The following PDZD2 variants were observed in gnomAD, a reference collection of about 807,000 sequenced individuals.
PDZD2 encodes the protein PDZ domain containing 2.
PDZD2 carries 90 observed loss-of-function variants against 220.7 expected under a neutral mutation model. The ratio of observed to expected loss-of-function variants is 0.41; its 90% CI spans 0.34 to 0.49. PDZD2 has a LOEUF of 0.49. Ranked by LOEUF, PDZD2 falls within the 20% of genes least tolerant of loss-of-function variation. PDZD2 has a pLI of 0.28. For synonymous variants in PDZD2, 1,375 were observed against 1,450.5 expected, an observed-to-expected ratio of 0.95 and a Z score of 1.18; for missense variants, 3,174 against 3,608.5, an observed-to-expected ratio of 0.88 and a Z score of 3.08.
intron 7 of PDZD2, among the ~76,000 whole-genome samples, chr5:32,041,644 C>T (rs897390842): frequency 7.2e-5 from 11 of 152,006 alleles, no homozygotes; most frequent in African/African-American, 2.7e-4. Context: ...TTGAAGGCAG[C>T]ATGCTCGTTA....
intron 2 of PDZD2, among the ~76,000 whole-genome samples, chr5:31,869,520 C>T (rs762741762): frequency 5.9e-5 from 9 of 151,796 alleles, no homozygotes; most frequent in East Asian, 3.9e-4. Context: ...GCCAAGATCA[C>T]GCCACTGCAC....
chr5:31,704,389 A>G lies in PDZD2; in HGVS notation c.-361+64952A>G, dbSNP rs1001508196. Among the ~76,000 whole-genome samples the G allele has an allele frequency of 4.6e-5, 7 of 152,226 alleles. No homozygotes were observed. The East Asian group carries it at 9.6e-4, about 21-fold the overall frequency. On this transcript the variant is annotated intron_variant, in intron 1 of 24. Transcript: ENST00000438447. ...ATGTATATATGTAAATAGAATGTCT[A>G]TAACACTGGAATCATAGTCTACATT... is the stretch of plus-strand genomic sequence containing the variant.
Position 31,689,353 on chromosome 5 carries a change from A to ATATATATATTTTTT in PDZD2, c.-361+49917_-361+49918insATATATATTTTTTT. ...TACATATACATATATATATATATAT[A>ATATATATATTTTTT]TTTTTTTTTTTTTTTTTTTTAAGTC... On this transcript the variant is annotated intron_variant, in intron 1 of 24. Coordinates refer to ENST00000438447, the MANE Select transcript of PDZD2 (RefSeq NM_178140.4). Among the ~76,000 whole-genome samples the ATATATATATTTTTT allele has an allele frequency of 5.6e-3, 197 of 35,090 alleles. 6 individuals are homozygous for ATATATATATTTTTT. The highest frequency in any genetic ancestry group is 0.03 in the East Asian group (16 of 540). 23.0% of individuals were successfully genotyped at this position (35,090 alleles called of 152,430 possible).
chr5:31,996,522 C>G (rs114462369), intron 4 of PDZD2, among the ~76,000 whole-genome samples: 1 of 152,160 alleles, frequency 6.6e-6, no homozygotes, highest in Non-Finnish European at 1.5e-5. Flanking sequence ...GCCTGGCCAA[C>G]AGGTGAAACC....
intron 21 of PDZD2, among the ~76,000 whole-genome samples, chr5:32,093,499 C>T (rs757526454): frequency 2.6e-5 from 4 of 152,112 alleles, no homozygotes; most frequent in Non-Finnish European, 5.9e-5. Context: ...CACTGACCTT[C>T]GAGCAGTGGA....
chr5:31,805,979 C>T (rs1398387968), intron 2 of PDZD2, among the ~76,000 whole-genome samples: 1 of 152,142 alleles, frequency 6.6e-6, no homozygotes, highest in Non-Finnish European at 1.5e-5. Flanking sequence ...ACTAGGGGAG[C>T]TTGGCTCTGC....
intron 7 of PDZD2, among the ~76,000 whole-genome samples, chr5:32,042,819 G>A (rs1244541894): frequency 6.6e-6 from 1 of 152,152 alleles, no homozygotes; most frequent in East Asian, 1.9e-4. Flanking sequence ...GGAGTCACAA[G>A]GGCACAGAGG....
At chr5:31,822,689 C>A in intron 2 of PDZD2, 2 of 1,308,672 alleles carry the variant, frequency 1.5e-6, no homozygotes, top group South Asian at 2.4e-5. Context: ...AGCTCAATGT[C>A]ATTTCCTTCA....
At chr5:31,641,614 T>C (rs253904) in intron 1 of PDZD2, among the ~76,000 whole-genome samples, 40,171 of 151,578 alleles carry the variant, frequency 0.27, 6,650 homozygotes, top group African/African-American at 0.46. Flanking sequence ...CTCAGCCTCC[T>C]GAGTAACTGG....
At position 31,980,929 on chromosome 5, in the gene PDZD2, G is replaced by A. The variant is rs115089867; in HGVS notation, c.477-2226G>A. Among the ~76,000 whole-genome samples, 1,032 of 152,184 alleles carry A rather than the reference G, an allele frequency of 6.8e-3. 14 individuals carry two copies. The highest frequency in any genetic ancestry group is 0.023 in the African/African-American group (959 of 41,514). On this transcript the variant is annotated intron_variant, in intron 2 of 24. Transcript: ENST00000438447. ...TTTCTGAGTAGCTGAGACTACAGCCGCGCACCACCATGCCTGTGGTTAACT... is the reference window on the plus strand; with the variant it reads ...TTTCTGAGTAGCTGAGACTACAGCCACGCACCACCATGCCTGTGGTTAACT...
chr5:31,878,368 G>A (rs1580971076), intron 2 of PDZD2, among the ~76,000 whole-genome samples: 1 of 151,952 alleles, frequency 6.6e-6, no homozygotes, highest in East Asian at 1.9e-4. Flanking sequence ...TTACTAGAAT[G>A]TGCCTTTAAA....
chr5:32,101,228 G>T lies in PDZD2; in HGVS notation c.8342G>T (p.Arg2781Ile), dbSNP rs1744231378. The T allele has an allele frequency of 1.9e-6, 3 of 1,612,950 alleles. No individual in the cohort carries two copies. The highest frequency in any genetic ancestry group is 2.5e-6 in the Non-Finnish European group (3 of 1,179,364). Reference sequence around the variant, plus strand: ...GGAGATGGGCCCTTGGTCATTAAAAGAGTGTACAAAGGTAATGTTCTAGAC... The same window carrying T: ...GGAGATGGGCCCTTGGTCATTAAAATAGTGTACAAAGGTAATGTTCTAGAC... ...VTGDGPLVIKRVYKGGAAEQA... is the reference protein window; with the variant it reads ...VTGDGPLVIKIVYKGGAAEQA... The change falls in exon 24 of 25, where the codon AGA becomes ATA. Residue 2781 changes from arginine (R) to isoleucine (I), a missense_variant. By Grantham distance (97) the Arg-to-Ile change is moderately conservative (BLOSUM62 -3). This residue lies in a region of PDZD2 where 631 missense variants were observed against 789.9 expected (regional missense o/e 0.80). Transcript: ENST00000438447.
intron 2 of PDZD2, among the ~76,000 whole-genome samples, chr5:31,830,340 T>TTTTA (rs1477162762): frequency 3.3e-3 from 484 of 147,262 alleles, no homozygotes; most frequent in Non-Finnish European, 5.6e-3. Context: ...TAATTTTTTT[T>TTTTA]TTTTTTTTTG....
chr5:31,739,821 T>C (rs28670364), intron 1 of PDZD2, among the ~76,000 whole-genome samples: 37,373 of 152,114 alleles, frequency 0.25, 4,757 homozygotes, highest in Non-Finnish European at 0.25. Flanking sequence ...GCCTAATGAT[T>C]TTCCATTGAA....
At chr5:31,989,424 T>TTTTTTTTTTTTTTTATTTTTTTTA (rs1751018076) in intron 3 of PDZD2, among the ~76,000 whole-genome samples, 1 of 136,690 alleles carries the variant, frequency 7.3e-6, no homozygotes, top group African/African-American at 2.9e-5. Flanking sequence ...TTCTTTTCTT[T>TTTTTTTTTTTTTTTATTTTTTTTA]TTTTTTTTTT....
intron 6 of PDZD2, among the ~76,000 whole-genome samples, chr5:32,014,777 G>A (rs1406641761): frequency 7.4e-6 from 1 of 135,014 alleles, no homozygotes; most frequent in African/African-American, 2.9e-5. Flanking sequence ...GTGCAGTGGC[G>A]CAATCTCTGC....
intron 2 of PDZD2, among the ~76,000 whole-genome samples, chr5:31,949,097 CAAAAAAAAAAAA>C (rs34780210): frequency 1.8e-5 from 1 of 54,982 alleles, no homozygotes; most frequent in Non-Finnish European, 3.2e-5. Context: ...GACTCTGTCT[CAAAAAAAAAAAA>C]AAAAAAAAAA....
intron 7 of PDZD2, among the ~76,000 whole-genome samples, chr5:32,047,580 C>T (rs1329953557): frequency 6.6e-6 from 1 of 152,136 alleles, no homozygotes; most frequent in African/African-American, 2.4e-5. Context: ...ATTTGTGGCC[C>T]ACAAAACCTA....
Position 31,706,863 on chromosome 5 carries a change from A to T in PDZD2, c.-361+67426A>T, listed in dbSNP as rs567258976. On this transcript the variant is annotated intron_variant, in intron 1 of 24. Coordinates refer to ENST00000438447, the MANE Select transcript of PDZD2 (RefSeq NM_178140.4). Reference sequence around the variant, plus strand: ...ATCTCAAAAAAAAAAAAAAAAAAGCAATCCTGTCATTTCCTTCCTAGACCT... The same window carrying T: ...ATCTCAAAAAAAAAAAAAAAAAAGCTATCCTGTCATTTCCTTCCTAGACCT... 1.0e-4 allele frequency among the ~76,000 whole-genome samples: 15 copies of T among 146,134 alleles called. No homozygotes were observed. In the South Asian group the frequency reaches 3.1e-3, roughly 30 times the overall value.
Sources: allele counts gnomAD v4.1 joint callset (sites outside exome capture counted in the v4.1 genomes callset), GRCh38; gene constraint gnomAD v4.1.1; regional missense constraint gnomAD v4.1.1; transcripts MANE v1.5; gene names NCBI Gene and HGNC (gene_info 2026-07-23, HGNC 2026-07-21).